ZNF277: variants seen among roughly 807,000 people sequenced by gnomAD.
The protein encoded by ZNF277 is zinc finger protein 277, also known as nuclear receptor-interacting factor 4.
A neutral mutation model predicts 60.7 loss-of-function variants in ZNF277; 55 were observed. The ratio of observed to expected loss-of-function variants is 0.91; its 90% CI spans 0.73 to 1.13. The LOEUF is 1.13. Among genes scored for constraint, ZNF277 ranks in the 50% most tolerant of loss-of-function variants. The pLI, the probability that ZNF277 is intolerant of heterozygous loss-of-function variation, is 0.00. For missense variants in ZNF277, 510 were observed against 523.0 expected (o/e 0.98, Z 0.24); for synonymous variants, 178 against 179.3 (o/e 0.99, Z 0.06).
Position 112,314,102 on chromosome 7 carries a change from A to G in ZNF277, c.466-4080A>G, listed in dbSNP as rs140846721. Among the ~76,000 whole-genome samples, 10 of 152,266 alleles carry G rather than the reference A, an allele frequency of 6.6e-5. No individual in the cohort carries two copies. In the East Asian group the frequency reaches 1.9e-3, roughly 29 times the overall value. On this transcript the variant is annotated intron_variant, in intron 4 of 11. Coordinates refer to ENST00000361822, the MANE Select transcript of ZNF277 (RefSeq NM_021994.3). Reference sequence around the variant, plus strand: ...AAAAGGAAGTATCACTTCTAATACAAAAACAGTCTGGGAAAGTCACTTTAA... The same window carrying G: ...AAAAGGAAGTATCACTTCTAATACAGAAACAGTCTGGGAAAGTCACTTTAA...
At chr7:112,216,764 A>G (rs1821895376) in intron 1 of ZNF277, among the ~76,000 whole-genome samples, 1 of 152,252 alleles carries the variant, frequency 6.6e-6, no homozygotes, top group Non-Finnish European at 1.5e-5. Context: ...GACATAATTC[A>G]GTCCTAGCAT....
At chr7:112,246,242 G>T (rs1344903137) in intron 1 of ZNF277, among the ~76,000 whole-genome samples, 1 of 152,008 alleles carries the variant, frequency 6.6e-6, no homozygotes, top group Non-Finnish European at 1.5e-5. Context: ...AAAAAAATTA[G>T]CCAGGCATGA....
intron 1 of ZNF277, among the ~76,000 whole-genome samples, chr7:112,223,673 C>T (rs930685624): frequency 1.3e-5 from 2 of 152,184 alleles, no homozygotes; most frequent in Non-Finnish European, 2.9e-5. Flanking sequence ...CCAAGGCTCC[C>T]ACAAAGGCGC....
chr7:112,287,522 C>T (rs1792100514), intron 2 of ZNF277: 1 of 148,624 alleles, frequency 6.7e-6, no homozygotes, highest in African/African-American at 2.5e-5. Flanking sequence ...TTTTGTACTT[C>T]TGAGACTTTT....
intron 1 of ZNF277, among the ~76,000 whole-genome samples, chr7:112,254,041 A>G (rs1442105504): frequency 1.3e-5 from 2 of 152,240 alleles, no homozygotes; most frequent in South Asian, 4.1e-4. Flanking sequence ...CATCTCTGTT[A>G]AAATAGCCAT....
chr7:112,239,128 A>C (rs1053633637), intron 1 of ZNF277, among the ~76,000 whole-genome samples: 2 of 152,114 alleles, frequency 1.3e-5, no homozygotes, highest in African/African-American at 4.8e-5. Context: ...ATTCCCAGCT[A>C]TGGTGTCCAC....
chr7:112,217,238 T>G (rs192953706), intron 1 of ZNF277, among the ~76,000 whole-genome samples: 43 of 152,314 alleles, frequency 2.8e-4, no homozygotes, highest in Non-Finnish European at 5.7e-4. Context: ...CAGGTGGTAC[T>G]GGGCCTTGAA....
intron 1 of ZNF277, among the ~76,000 whole-genome samples, chr7:112,232,297 C>T (rs973039940): frequency 1.3e-5 from 2 of 151,774 alleles, no homozygotes; most frequent in African/African-American, 4.8e-5. Context: ...CCGAAGAAAC[C>T]CTGTGGAATG....
At chr7:112,311,777 G>A (rs751180088) in intron 4 of ZNF277, among the ~76,000 whole-genome samples, 31 of 151,972 alleles carry the variant, frequency 2.0e-4, no homozygotes, top group Non-Finnish European at 3.1e-4. Context: ...AAATAGAAAA[G>A]AAAAAATACT....
intron 1 of ZNF277, among the ~76,000 whole-genome samples, chr7:112,252,077 T>C (rs1341617907): frequency 1.3e-5 from 2 of 152,256 alleles, no homozygotes; most frequent in African/African-American, 4.8e-5. Flanking sequence ...TTATGCCTTT[T>C]GGCCTAACTT....
intron 1 of ZNF277, among the ~76,000 whole-genome samples, chr7:112,271,287 AG>A (rs1419903044): frequency 2.0e-5 from 3 of 152,196 alleles, no homozygotes; most frequent in Non-Finnish European, 4.4e-5. Context: ...CCAAAATGCT[AG>A]GAATAAAATC....
At chr7:112,257,296 T>C (rs1345599685) in intron 1 of ZNF277, among the ~76,000 whole-genome samples, 2 of 152,170 alleles carry the variant, frequency 1.3e-5, no homozygotes, top group Non-Finnish European at 2.9e-5. Context: ...CTGTGCTAGG[T>C]GGTAGAACCA....
At chr7:112,220,944 G>A (rs949608524) in intron 1 of ZNF277, among the ~76,000 whole-genome samples, 11 of 152,100 alleles carry the variant, frequency 7.2e-5, no homozygotes, top group Non-Finnish European at 1.6e-4. Context: ...TGGGAGCTCC[G>A]TTTTCACTCT....
chr7:112,234,835 G>A (rs2116983509), intron 1 of ZNF277, among the ~76,000 whole-genome samples: 1 of 151,658 alleles, frequency 6.6e-6, no homozygotes, highest in East Asian at 1.9e-4. Context: ...CATGTTTGTT[G>A]TAAGGAAAGC....
intron 4 of ZNF277, among the ~76,000 whole-genome samples, chr7:112,309,552 G>C (rs567223299): frequency 6.6e-6 from 1 of 151,840 alleles, no homozygotes; most frequent in African/African-American, 2.4e-5. Flanking sequence ...TTTTTTTAAG[G>C]CTTGATATTG....
At chr7:112,260,425 A>G (rs986268786) in intron 1 of ZNF277, among the ~76,000 whole-genome samples, 4 of 152,186 alleles carry the variant, frequency 2.6e-5, no homozygotes, top group African/African-American at 7.2e-5. Context: ...TATTATAAAT[A>G]TGGTTTTCTA....
chr7:112,258,995 G>T (rs1791384900), intron 1 of ZNF277, among the ~76,000 whole-genome samples: 2 of 151,664 alleles, frequency 1.3e-5, no homozygotes, highest in African/African-American at 4.8e-5. Context: ...GCTTCAAATA[G>T]TATTCTCCCT....
rs201891132 is a variant in ZNF277 at position 112,339,904 on chromosome 7, T to G, written c.1009+19T>G. The G allele has an allele frequency of 2.9e-4, 468 of 1,605,450 alleles. 2 individuals are homozygous for G. In the African/African-American group the frequency reaches 5.2e-3, roughly 18 times the overall value. On this transcript the variant is annotated intron_variant, in intron 10 of 11. Transcript: ENST00000361822. Reference sequence around the variant, plus strand: ...GAACTTGGTAAGTTTGATTCAGAGGTTTTTTTCTGTGATGCTTCATTTTTT... The same window carrying G: ...GAACTTGGTAAGTTTGATTCAGAGGGTTTTTTCTGTGATGCTTCATTTTTT...
intron 1 of ZNF277, among the ~76,000 whole-genome samples, chr7:112,224,809 G>A (rs1338809454): frequency 6.6e-6 from 1 of 152,148 alleles, no homozygotes; most frequent in African/African-American, 2.4e-5. Context: ...AAGTAAACTG[G>A]ACTTTAGGGA....
Sources: allele counts gnomAD v4.1 joint callset (sites outside exome capture counted in the v4.1 genomes callset), GRCh38; gene constraint gnomAD v4.1.1; transcripts MANE v1.5; gene names NCBI Gene and HGNC (gene_info 2026-07-23, HGNC 2026-07-21).